Variants in FBN1 observed in about 807,000 individuals in gnomAD.
FBN1 encodes the protein fibrillin-1.
Under a neutral mutation model 365.1 loss-of-function variants are expected in FBN1, and 29 were observed. The observed-to-expected ratio is 0.08, with a 90% confidence interval of 0.06 to 0.11. The LOEUF (loss-of-function observed/expected upper bound fraction) is 0.11, where lower values mean the gene tolerates loss of function less well. FBN1 is among the 10% of genes least tolerant of loss of function. The pLI is 1.00. For missense variants in FBN1, 2,476 were observed against 3,703.2 expected (o/e 0.67, Z 8.60); for synonymous variants, 1,210 against 1,270.5 (o/e 0.95, Z 1.01).
chr15:48,616,845 ATTATT>A (rs1889663577), intron 2 of FBN1, among the ~76,000 whole-genome samples: 1 of 152,148 alleles, frequency 6.6e-6, no homozygotes, highest in Non-Finnish European at 1.5e-5. Flanking sequence ...CTAAAGATAT[ATTATT>A]TTATTTCATC....
chr15:48,613,014 A>T lies in FBN1; in HGVS notation c.243T>A (p.Ile81=), dbSNP rs2044668695. 3 of 1,611,418 alleles carry T rather than the reference A, an allele frequency of 1.9e-6. No homozygotes were observed. The highest frequency in any genetic ancestry group is 2.5e-6 in the Non-Finnish European group (3 of 1,177,844). The stretch of plus-strand genomic sequence containing the variant: ...ACAAGTTTTCTATTTACTTACGGAC[A>T]ATACACTGATTTCCGCCAGGTAAGG... ...WKTLPGGNQC[I]VPICRHSCGD... The change falls in exon 3 of 66, where the codon ATT becomes ATA. Residue 81 remains isoleucine (I), a synonymous_variant. Transcript: ENST00000316623.
At chr15:48,517,767 T>C (rs768300064) in intron 10 of FBN1, among the ~76,000 whole-genome samples, 2 of 152,222 alleles carry the variant, frequency 1.3e-5, no homozygotes, top group African/African-American at 2.4e-5. Context: ...ATTTTGGTAA[T>C]TTTATTTTCA....
intron 46 of FBN1, 143 bp downstream of exon 46, chr15:48,448,625 C>T: frequency 4.3e-6 from 3 of 697,274 alleles, no homozygotes; most frequent in Non-Finnish European, 4.8e-6. Flanking sequence ...AATAGGATAT[C>T]ACTGCTGCAT....
chr15:48,544,467 T>A (rs186270834), intron 6 of FBN1, among the ~76,000 whole-genome samples: 1 of 152,330 alleles, frequency 6.6e-6, no homozygotes, highest in Admixed American at 6.5e-5. Flanking sequence ...CATTTCTACA[T>A]TAGTATTTTC....
chr15:48,581,256 T>C (rs1028857797), intron 6 of FBN1, among the ~76,000 whole-genome samples: 10 of 152,180 alleles, frequency 6.6e-5, no homozygotes, highest in African/African-American at 2.4e-4. Context: ...TCCAGTAGTT[T>C]TTATATGACA....
At chr15:48,623,497 T>C (rs117228129) in intron 2 of FBN1, among the ~76,000 whole-genome samples, 19 of 152,300 alleles carry the variant, frequency 1.2e-4, no homozygotes, top group Middle Eastern at 3.4e-3. Flanking sequence ...ATAACACACA[T>C]ATGTAAACAT....
chr15:48,430,664 C>T lies in FBN1; in HGVS notation c.6871+7G>A. The T allele has an allele frequency of 1.2e-6, 2 of 1,613,556 alleles. No individual in the cohort carries two copies. The highest frequency in any genetic ancestry group is 1.7e-6 in the Non-Finnish European group (2 of 1,179,766). The stretch of plus-strand genomic sequence containing the variant: ...ACTCAAAGCTCCTTCCACAGGGATC[C>T]TCTTACCTACACAGCCTTCTCCATC... On this transcript the variant is annotated splice_region_variant and intron_variant, in intron 56 of 65. Coordinates refer to ENST00000316623, the MANE Select transcript of FBN1 (RefSeq NM_000138.5).
At chr15:48,608,206 T>C (rs980883112) in intron 4 of FBN1, among the ~76,000 whole-genome samples, 1 of 152,174 alleles carries the variant, frequency 6.6e-6, no homozygotes, top group Non-Finnish European at 1.5e-5. Context: ...ACTTCTTCCA[T>C]TCTGTTCATA....
At chr15:48,619,603 A>G (rs1889726941) in intron 2 of FBN1, among the ~76,000 whole-genome samples, 1 of 152,186 alleles carries the variant, frequency 6.6e-6, no homozygotes, top group African/African-American at 2.4e-5. Flanking sequence ...CAAGATCAAT[A>G]GCTCCTCTTC....
At chr15:48,598,876 T>C (rs534517703) in intron 5 of FBN1, among the ~76,000 whole-genome samples, 2 of 152,286 alleles carry the variant, frequency 1.3e-5, no homozygotes, top group South Asian at 2.1e-4. Context: ...TGGGAAGTAA[T>C]TGAATCATGG....
chr15:48,552,044 T>C (rs1223446931), intron 6 of FBN1, among the ~76,000 whole-genome samples: 1 of 152,202 alleles, frequency 6.6e-6, no homozygotes, highest in Admixed American at 6.5e-5. Context: ...CTGGGTCAAA[T>C]GGTATTTCTG....
intron 19 of FBN1, among the ~76,000 whole-genome samples, chr15:48,497,022 A>G (rs1208651912): frequency 6.6e-6 from 1 of 151,002 alleles, no homozygotes; most frequent in Admixed American, 6.6e-5. Context: ...AATCTGATAC[A>G]TCATTATTTT....
At position 48,427,634 on chromosome 15, in the gene FBN1, A is replaced by T; in HGVS notation, c.7137T>A (p.Pro2379=). The T allele has an allele frequency of 6.2e-7, 1 of 1,614,178 alleles. No individual in the cohort carries two copies. The highest frequency in any genetic ancestry group is 8.5e-7 in the Non-Finnish European group (1 of 1,180,000). ...TCTTGAAAGCCACAGTCCCCTGGAA[A>T]GGGCAGATCTCACAGTGGGGACCCC... ...RGWGPHCEIC[P]FQGTVAFKKL... The change falls in exon 58 of 66, where the codon CCT becomes CCA. Residue 2379 remains proline, a synonymous_variant. Transcript: ENST00000316623.
At chr15:48,549,106 T>C (rs1475853377) in intron 6 of FBN1, among the ~76,000 whole-genome samples, 1 of 152,244 alleles carries the variant, frequency 6.6e-6, no homozygotes, top group Non-Finnish European at 1.5e-5. Context: ...TCTGCAGTAG[T>C]TGTACGGCTA....
intron 14 of FBN1, 111 bp downstream of exon 14, chr15:48,509,933 T>C (rs2043744622): frequency 1.7e-6 from 2 of 1,173,884 alleles, no homozygotes; most frequent in Admixed American, 3.6e-5. Context: ...ATAAAATATA[T>C]AAAACATATT....
intron 54 of FBN1, 23 bp downstream of exon 54, chr15:48,434,571 T>A (rs1349692291): frequency 6.2e-7 from 1 of 1,613,238 alleles, no homozygotes; most frequent in African/African-American, 1.3e-5. Context: ...CGTAATCAAC[T>A]GTTCTCTGTT....
chr15:48,476,610 C>CTT (rs56969171), intron 32 of FBN1: 3,449 of 119,954 alleles, frequency 0.029, 229 homozygotes, highest in East Asian at 0.27. Flanking sequence ...CTTTTCTTTT[C>CTT]TTTTTTTTTT....
chr15:48,436,560 C>T (rs2043073426), intron 53 of FBN1, among the ~76,000 whole-genome samples: 1 of 152,160 alleles, frequency 6.6e-6, no homozygotes, highest in Non-Finnish European at 1.5e-5. Context: ...AGCCTTTCAT[C>T]TTACTAAATG....
intron 55 of FBN1, among the ~76,000 whole-genome samples, chr15:48,431,055 C>A (rs988294879): frequency 5.9e-5 from 9 of 151,594 alleles, no homozygotes; most frequent in Admixed American, 4.6e-4. Flanking sequence ...TCTGATCATG[C>A]CTTTTCTCTC....
Sources: gnomAD v4.1 joint callset for allele counts (sites outside exome capture counted in the v4.1 genomes callset) on GRCh38, gnomAD v4.1.1 for gene constraint, MANE v1.5 for transcripts, NCBI Gene and HGNC (gene_info 2026-07-23, HGNC 2026-07-21) for gene names.